Variants in ACVR1C observed in about 807,000 individuals in gnomAD.
The protein encoded by ACVR1C is activin A receptor type 1C.
A neutral mutation model predicts 57.9 loss-of-function variants in ACVR1C; 23 were observed. The observed-to-expected ratio is 0.40, with a 90% CI of 0.29 to 0.56. The LOEUF is 0.56. ACVR1C is among the 20% of genes least tolerant of loss of function. The pLI, the probability that ACVR1C is intolerant of heterozygous loss-of-function variation, is 0.50. For synonymous variants in ACVR1C, 214 were observed against 215.3 expected, an observed-to-expected ratio of 0.99 and a Z score of 0.05; for missense variants, 480 against 607.9, an observed-to-expected ratio of 0.79 and a Z score of 2.21.
In ACVR1C at chr2:157,531,323, T is replaced by A. The variant is rs1250198763; in HGVS notation, c.*2595A>T. 1 of 152,020 alleles carries A rather than the reference T, an allele frequency of 6.6e-6. No homozygotes were observed. The highest frequency in any genetic ancestry group is 2.4e-5 in the African/African-American group (1 of 41,434). The allele number at this position is 152,020 out of a possible 1,614,324, so 9.4% of individuals were successfully genotyped here. ...CTATTCCCTTTCTTAAAAAATGTAT[T>A]TTGTAATTGAAATATAAGACTACTC... On this transcript the variant is annotated 3_prime_UTR_variant, in exon 9 of 9. Transcript: ENST00000243349.
intron 7 of ACVR1C, 39 bp from the exon 8 acceptor site, chr2:157,538,742 A>T: frequency 4.9e-6 from 7 of 1,439,294 alleles, no homozygotes; most frequent in Non-Finnish European, 5.5e-6. Flanking sequence ...ATGTGCAAAT[A>T]ATAAACAAAC....
At chr2:157,601,411 A>G (rs1180982996) in intron 1 of ACVR1C, among the ~76,000 whole-genome samples, 1 of 152,192 alleles carries the variant, frequency 6.6e-6, no homozygotes, top group African/African-American at 2.4e-5. Context: ...TAAGTAAAAT[A>G]ACTGCCTGTT....
At chr2:157,559,223 A>G (rs1158405137) in intron 2 of ACVR1C, among the ~76,000 whole-genome samples, 1 of 152,242 alleles carries the variant, frequency 6.6e-6, no homozygotes, top group Non-Finnish European at 1.5e-5. Flanking sequence ...TTTATTATAG[A>G]TGAACAATGT....
intron 6 of ACVR1C, among the ~76,000 whole-genome samples, chr2:157,542,326 C>G (rs1256919853): frequency 6.6e-6 from 1 of 152,166 alleles, no homozygotes; most frequent in African/African-American, 2.4e-5. Flanking sequence ...GTATGTAGAA[C>G]TAGTCCTGAG....
chr2:157,569,485 A>G (rs1317633091), intron 2 of ACVR1C, among the ~76,000 whole-genome samples: 6 of 92,854 alleles, frequency 6.5e-5, no homozygotes, highest in African/African-American at 2.8e-4. Flanking sequence ...TAAAGAAAAA[A>G]AGAGAGAAGA....
At chr2:157,616,802 C>T (rs912185726) in intron 1 of ACVR1C, among the ~76,000 whole-genome samples, 6 of 151,578 alleles carry the variant, frequency 4.0e-5, no homozygotes, top group South Asian at 2.1e-4. Flanking sequence ...TACAGTTAAA[C>T]ATAGAGCAAC....
chr2:157,562,529 C>T (rs1378681600), intron 2 of ACVR1C, among the ~76,000 whole-genome samples: 1 of 148,196 alleles, frequency 6.7e-6, no homozygotes, highest in Non-Finnish European at 1.5e-5. Flanking sequence ...TAAAAAAGCC[C>T]AGGACCAGAC....
Position 157,541,083 on chromosome 2 carries a change from AT to A in ACVR1C, c.1225+6del, listed in dbSNP as rs1268491521. 2 of 1,609,378 alleles carry A rather than the reference AT, an allele frequency of 1.2e-6. No individual in the cohort carries two copies. Among genetic ancestry groups the A allele is most frequent in the African/African-American group, 2.7e-5 (2 of 74,682 alleles). ...GGCAAACACAAAGGATATTTCCAAA[AT>A]TTTACCTCCGACTGAACACCTCCGG... is the stretch of plus-strand genomic sequence containing the variant. On this transcript the variant is annotated splice_donor_region_variant and intron_variant, in intron 7 of 8. Transcript: ENST00000243349.
intron 2 of ACVR1C, 116 bp from the exon 3 acceptor site, chr2:157,556,448 A>T (rs1688102300): frequency 3.0e-6 from 4 of 1,335,184 alleles, no homozygotes; most frequent in Non-Finnish European, 4.1e-6. Context: ...CACAGTATGC[A>T]CTTATGTTCA....
At chr2:157,584,540 T>C (rs1012389923) in intron 2 of ACVR1C, among the ~76,000 whole-genome samples, 1 of 152,144 alleles carries the variant, frequency 6.6e-6, no homozygotes. Context: ...CACAATAAAA[T>C]ACCAATACAA....
At position 157,527,388 on chromosome 2, in the gene ACVR1C, C is replaced by G. The variant is rs1373467190; in HGVS notation, c.*6530G>C. The stretch of plus-strand genomic sequence containing the variant: ...GTCTTTACAACGGTGATTCTTTTCA[C>G]AGTAGTTCAAGAGTTCAAGGCATGT... On this transcript the variant is annotated 3_prime_UTR_variant, in exon 9 of 9. Transcript: ENST00000243349. 6.6e-6 allele frequency: 1 copy of G among 152,108 alleles called. No individual in the cohort carries two copies. Among genetic ancestry groups the G allele is most frequent in the Admixed American group, 6.6e-5 (1 of 15,266 alleles). 9.4% of individuals were successfully genotyped at this position (152,108 alleles called of 1,614,324 possible). A position where few individuals can be genotyped will look rare whatever the true frequency, so the allele number is the denominator to read the frequency against.
At chr2:157,558,180 T>C (rs1688147786) in intron 2 of ACVR1C, among the ~76,000 whole-genome samples, 2 of 152,186 alleles carry the variant, frequency 1.3e-5, no homozygotes, top group African/African-American at 4.8e-5. Context: ...CTTCTTGCTG[T>C]GAACCTTTGG....
Position 157,585,726 on chromosome 2 carries a change from G to C in ACVR1C, c.304+1461C>G, listed in dbSNP as rs1483166805. Among the ~76,000 whole-genome samples, 2 of 152,056 alleles carry C rather than the reference G, an allele frequency of 1.3e-5. 1 individual carries two copies. The highest frequency in any genetic ancestry group is 2.9e-5 in the Non-Finnish European group (2 of 68,006). On this transcript the variant is annotated intron_variant, in intron 2 of 8. Transcript: ENST00000243349. ...GGTGTCTCTGGAGCACAGATAAACT[G>C]GGGGATAAAATATAAGGAAACAAGT...
rs535094895 is a variant in ACVR1C at position 157,531,298 on chromosome 2, C to T, written c.*2620G>A. 6.6e-6 allele frequency: 1 copy of T among 152,070 alleles called. No individual in the cohort carries two copies. The highest frequency in any genetic ancestry group is 2.4e-5 in the African/African-American group (1 of 41,530). 9.4% of individuals were successfully genotyped at this position (152,070 alleles called of 1,614,324 possible). ...CATTTTCCTTATCATTTTTGCTGCT[C>T]TATTCCCTTTCTTAAAAAATGTATT... On this transcript the variant is annotated 3_prime_UTR_variant, in exon 9 of 9. Coordinates refer to ENST00000243349, the MANE Select transcript of ACVR1C (RefSeq NM_145259.3).
chr2:157,600,889 G>T (rs1163477805), intron 1 of ACVR1C, among the ~76,000 whole-genome samples: 1 of 152,144 alleles, frequency 6.6e-6, no homozygotes, highest in Non-Finnish European at 1.5e-5. Context: ...TAAAAAGGGC[G>T]CATCACCTAC....
chr2:157,586,497 T>C (rs934695108), intron 2 of ACVR1C, among the ~76,000 whole-genome samples: 5 of 152,180 alleles, frequency 3.3e-5, no homozygotes, highest in East Asian at 3.8e-4. Flanking sequence ...TTTCACATCA[T>C]AAACTAGTTT....
chr2:157,531,577 TATC>T lies in ACVR1C; in HGVS notation c.*2338_*2340del, dbSNP rs1241761380. ...CAACATAAGTAAATAAAACAGGAAA[TATC>T]ATTCTTGTTTATTTGAGGCACGTAC... On this transcript the variant is annotated 3_prime_UTR_variant, in exon 9 of 9. Transcript: ENST00000243349. 4 of 151,996 alleles carry T rather than the reference TATC, an allele frequency of 2.6e-5. No individual in the cohort carries two copies. The highest frequency in any genetic ancestry group is 2.1e-4 in the South Asian group (1 of 4,830). 9.4% of individuals were successfully genotyped at this position (151,996 alleles called of 1,614,324 possible). A position where few individuals can be genotyped will look rare whatever the true frequency, so the allele number is the denominator to read the frequency against.
At chr2:157,557,932 T>C (rs1016521139) in intron 2 of ACVR1C, among the ~76,000 whole-genome samples, 2 of 152,218 alleles carry the variant, frequency 1.3e-5, no homozygotes, top group Non-Finnish European at 2.9e-5. Flanking sequence ...CACTTGAAAC[T>C]GACACATTGT....
chr2:157,554,331 GAGAAAGAGAGAAAGAA>G (rs1224721304), intron 3 of ACVR1C, among the ~76,000 whole-genome samples: 1 of 133,606 alleles, frequency 7.5e-6, no homozygotes, highest in African/African-American at 2.9e-5. Context: ...GAAAAAGAAA[GAGAAAGAGAGAAAGAA>G]AGAAAGAGAA....
Sources: allele counts gnomAD v4.1 joint callset (sites outside exome capture counted in the v4.1 genomes callset), GRCh38; gene constraint gnomAD v4.1.1; transcripts MANE v1.5; gene names NCBI Gene and HGNC (gene_info 2026-07-23, HGNC 2026-07-21).